NKAIN2: variants seen among roughly 807,000 people sequenced by gnomAD.
NKAIN2 encodes sodium/potassium transporting ATPase interacting 2, also known as sodium/potassium-transporting ATPase subunit beta-1-interacting protein 2.
A neutral mutation model predicts 32.6 loss-of-function variants in NKAIN2; 14 were observed. The ratio of observed to expected loss-of-function variants is 0.43; its 90% CI spans 0.28 to 0.67. The LOEUF (loss-of-function observed/expected upper bound fraction) is 0.67. Ranked by LOEUF, NKAIN2 falls within the 30% of genes least tolerant of loss-of-function variation. The probability of loss-of-function intolerance (pLI) is 0.17; values close to 1 mark genes in which losing one functional copy is unlikely to be tolerated. For missense variants in NKAIN2, 198 were observed against 258.3 expected (o/e 0.77, Z 1.60); for synonymous variants, 80 against 87.2 (o/e 0.92, Z 0.46).
chr6:123,948,029 G>A (rs1452387865), intron 1 of NKAIN2, among the ~76,000 whole-genome samples: 1 of 151,892 alleles, frequency 6.6e-6, no homozygotes, highest in Non-Finnish European at 1.5e-5. Flanking sequence ...GTCTTTCTAT[G>A]CCTGGCTTAT....
intron 1 of NKAIN2, among the ~76,000 whole-genome samples, chr6:123,810,915 C>T (rs1773435913): frequency 6.6e-6 from 1 of 152,136 alleles, no homozygotes; most frequent in Non-Finnish European, 1.5e-5. Flanking sequence ...GAATCTCCTG[C>T]AGGATTTTTA....
intron 3 of NKAIN2, among the ~76,000 whole-genome samples, chr6:124,465,484 G>A (rs1432078527): frequency 6.6e-6 from 1 of 151,970 alleles, no homozygotes; most frequent in African/African-American, 2.4e-5. Flanking sequence ...CCTGTCAGGG[G>A]GTGGGGGCTA....
At chr6:124,697,022 C>T (rs1007866332) in intron 4 of NKAIN2, among the ~76,000 whole-genome samples, 21 of 151,928 alleles carry the variant, frequency 1.4e-4, no homozygotes, top group Non-Finnish European at 8.8e-5. Flanking sequence ...GAGTTATTTG[C>T]GCATAGCTTT....
chr6:124,041,152 A>G (rs1374097177), intron 1 of NKAIN2, among the ~76,000 whole-genome samples: 2 of 152,020 alleles, frequency 1.3e-5, no homozygotes, highest in Non-Finnish European at 2.9e-5. Flanking sequence ...AGCATCCTCT[A>G]CTTTATGGTT....
intron 3 of NKAIN2, among the ~76,000 whole-genome samples, chr6:124,510,046 A>T (rs1452617752): frequency 6.6e-6 from 1 of 152,112 alleles, no homozygotes; most frequent in Non-Finnish European, 1.5e-5. Context: ...TGAACAATTC[A>T]TTTAATTTCT....
chr6:124,805,527 C>A (rs1780504455), intron 5 of NKAIN2, among the ~76,000 whole-genome samples: 1 of 152,254 alleles, frequency 6.6e-6, no homozygotes, highest in African/African-American at 2.4e-5. Flanking sequence ...GTACATAAAA[C>A]CACAAAGATG....
At chr6:123,820,262 G>A (rs1452894840) in intron 1 of NKAIN2, among the ~76,000 whole-genome samples, 3 of 152,190 alleles carry the variant, frequency 2.0e-5, no homozygotes, top group Non-Finnish European at 4.4e-5. Context: ...CAGTTCACTA[G>A]TTACTCAGAG....
intron 1 of NKAIN2, among the ~76,000 whole-genome samples, chr6:123,906,279 T>TC (rs1374174362): frequency 3.5e-4 from 53 of 152,002 alleles, no homozygotes; most frequent in African/African-American, 1.3e-3. Flanking sequence ...TTCTTCTTCT[T>TC]CTACTTTTTT....
intron 1 of NKAIN2, among the ~76,000 whole-genome samples, chr6:124,203,488 A>G (rs1317704674): frequency 6.6e-6 from 1 of 151,914 alleles, no homozygotes; most frequent in Non-Finnish European, 1.5e-5. Context: ...AATTATTAAA[A>G]TATTCTAATT....
intron 2 of NKAIN2, among the ~76,000 whole-genome samples, chr6:124,297,526 C>T (rs1053909257): frequency 6.6e-6 from 1 of 151,918 alleles, no homozygotes; most frequent in Non-Finnish European, 1.5e-5. Context: ...CCCCCTGCCC[C>T]GTGTGGCTCT....
At chr6:124,574,490 T>C (rs1329861664) in intron 3 of NKAIN2, among the ~76,000 whole-genome samples, 1 of 152,028 alleles carries the variant, frequency 6.6e-6, no homozygotes, top group Non-Finnish European at 1.5e-5. Flanking sequence ...TAGTAGTGCA[T>C]GGCTGTAATC....
chr6:124,229,668 G>A (rs1484436696), intron 1 of NKAIN2, among the ~76,000 whole-genome samples: 1 of 152,036 alleles, frequency 6.6e-6, no homozygotes, highest in East Asian at 1.9e-4. Flanking sequence ...CCATGGAAGT[G>A]GGTCTTTGCC....
At chr6:124,676,901 A>G (rs892416625) in intron 4 of NKAIN2, among the ~76,000 whole-genome samples, 6 of 152,198 alleles carry the variant, frequency 3.9e-5, no homozygotes, top group African/African-American at 1.4e-4. Context: ...TAAACCTAAA[A>G]TAAGTCTCTT....
intron 1 of NKAIN2, among the ~76,000 whole-genome samples, chr6:123,967,970 G>A (rs957481728): frequency 1.3e-5 from 2 of 152,270 alleles, no homozygotes; most frequent in East Asian, 1.9e-4. Flanking sequence ...GAGGGTTCAG[G>A]TGCCTCTCAG....
At chr6:123,858,418 T>C (rs1308703930) in intron 1 of NKAIN2, among the ~76,000 whole-genome samples, 1 of 152,162 alleles carries the variant, frequency 6.6e-6, no homozygotes, top group African/African-American at 2.4e-5. Flanking sequence ...GCCCATCCTC[T>C]AACATTGTCT....
chr6:124,695,708 A>G (rs1733247412), intron 4 of NKAIN2, among the ~76,000 whole-genome samples: 1 of 152,176 alleles, frequency 6.6e-6, no homozygotes, highest in Non-Finnish European at 1.5e-5. Context: ...CCTTAAGTGA[A>G]AAAGGAAATG....
At chr6:124,154,800 A>C (rs1239476905) in intron 1 of NKAIN2, among the ~76,000 whole-genome samples, 1 of 152,096 alleles carries the variant, frequency 6.6e-6, no homozygotes, top group Non-Finnish European at 1.5e-5. Context: ...CCTGACAGTA[A>C]TAATATTTGT....
chr6:124,823,165 C>T (rs376222452), intron 6 of NKAIN2, 55 bp from the exon 7 acceptor site: 153 of 1,263,636 alleles, frequency 1.2e-4, no homozygotes, highest in Non-Finnish European at 1.8e-4. Context: ...AGGTGGTGAG[C>T]AGCAGGCACC....
intron 1 of NKAIN2, among the ~76,000 whole-genome samples, chr6:123,935,427 A>G (rs912608454): frequency 6.6e-6 from 1 of 151,660 alleles, no homozygotes; most frequent in East Asian, 1.9e-4. Flanking sequence ...ATATTCTTAC[A>G]ATACATTAAT....
Sources: allele counts gnomAD v4.1 joint callset (sites outside exome capture counted in the v4.1 genomes callset), GRCh38; gene constraint gnomAD v4.1.1; transcripts MANE v1.5; gene names NCBI Gene and HGNC (gene_info 2026-07-23, HGNC 2026-07-21).